GSS: variants seen among roughly 807,000 people sequenced by gnomAD.
The protein encoded by GSS is glutathione synthetase.
A neutral mutation model predicts 60.4 loss-of-function variants in GSS; 34 were observed. The ratio of observed to expected loss-of-function variants is 0.56; its 90% confidence interval spans 0.43 to 0.75. The LOEUF (loss-of-function observed/expected upper bound fraction) is 0.75, where lower values mean the gene tolerates loss of function less well. Among genes scored for constraint, GSS ranks in the 30% least tolerant of loss-of-function variants. The pLI, the probability that GSS is intolerant of heterozygous loss-of-function variation, is 0.00. For missense variants in GSS, 499 were observed against 595.1 expected, an observed-to-expected ratio of 0.84 and a Z score of 1.68; for synonymous variants, 224 against 239.0, an observed-to-expected ratio of 0.94 and a Z score of 0.58.
chr20:34,937,754 G>A (rs925001655), intron 6 of GSS, among the ~76,000 whole-genome samples: 5 of 152,176 alleles, frequency 3.3e-5, no homozygotes, highest in Non-Finnish European at 7.3e-5. Context: ...CTGTTTGGCT[G>A]CCAGCTAACA....
rs1479465819 is a variant in GSS at position 34,941,704 on chromosome 20, C to T, written c.608+9G>A. 2.0e-6 allele frequency: 3 copies of T among 1,469,106 alleles called. No individual in the cohort carries two copies. The highest frequency in any genetic ancestry group is 1.7e-5 in the Admixed American group (1 of 59,824). 91.0% of individuals were successfully genotyped at this position (1,469,106 alleles called of 1,614,324 possible). On this transcript the variant is annotated intron_variant, in intron 6 of 12. Coordinates refer to ENST00000651619, the MANE Select transcript of GSS (RefSeq NM_000178.4). ...GCAGGATCCTCCTGCTACCTTTTCA[C>T]ACCCTTACTTGGGTGAGCCGTAGAG...
rs568798499 is a variant in GSS at position 34,941,227 on chromosome 20, C to G, written c.608+486G>C. The stretch of plus-strand genomic sequence containing the variant: ...AAAATTAGCCAGGTGTGGCAGCATG[C>G]GCCTGAAATCCCAGCTACTCAGGAG... On this transcript the variant is annotated intron_variant, in intron 6 of 12. Transcript: ENST00000651619. Among the ~76,000 whole-genome samples, 45 of 152,102 alleles carry G rather than the reference C, an allele frequency of 3.0e-4. 3 individuals carry two copies. In the South Asian group the frequency reaches 7.7e-3, roughly 26 times the overall value.
At chr20:34,933,002 C>T (rs2081414304) in intron 9 of GSS, among the ~76,000 whole-genome samples, 3 of 152,122 alleles carry the variant, frequency 2.0e-5, no homozygotes, top group African/African-American at 7.2e-5. Context: ...CACGCCACCA[C>T]ACCCAGCTAA....
rs2081381329 is a variant in GSS, at chr20:34,929,456, G to T, written c.1246C>A (p.Pro416Thr). 6.2e-7 allele frequency: 1 copy of T among 1,614,014 alleles called. No individual in the cohort carries two copies. The highest frequency in any genetic ancestry group is 1.3e-5 in the African/African-American group (1 of 74,910). ...FENCLLRPGS[P>T]ARVVQCISEL... The stretch of plus-strand genomic sequence containing the variant: ...GAAATGCACTGGACCACTCGGGCAG[G>T]GCTGCCAGGCCGTAGCAGGCAATTC... Residue 416 changes from proline (P) to threonine (T), a missense_variant, in exon 12 of 13, where the codon CCT becomes ACT. Transcript: ENST00000651619.
At chr20:34,929,278 T>C (rs371015799) in intron 12 of GSS, 123 bp downstream of exon 12, 15 of 882,144 alleles carry the variant, frequency 1.7e-5, no homozygotes, top group African/African-American at 1.5e-4. Context: ...AAGCTAGTGA[T>C]TGGCAGAGCT....
Position 34,942,532 on chromosome 20 carries a change from A to G in GSS, c.447T>C (p.Ser149=). Residue 149 remains serine, a synonymous_variant, in exon 5 of 13, where the codon TCT becomes TCC. Coordinates refer to ENST00000651619, the MANE Select transcript of GSS (RefSeq NM_000178.4). The stretch of plus-strand genomic sequence containing the variant: ...GGGAGGCCAGGCCCCCAAAGCTGGC[A>G]GAGATGGTGTTGATTTCGATCTGTT... ...ALKQIEINTI[S]ASFGGLASRT... 1 of 1,613,828 alleles carries G rather than the reference A, an allele frequency of 6.2e-7. No homozygotes were observed. The highest frequency in any genetic ancestry group is 2.2e-5 in the East Asian group (1 of 44,868).
In GSS at chr20:34,928,962, G is replaced by A. The variant is rs763981800; in HGVS notation, c.1302-11C>T. ...AGTGTCTTTTCCTGCCTATAGAAAT[G>A]GAGGCAGGGGACACACATCACCTGG... On this transcript the variant is annotated splice_polypyrimidine_tract_variant and intron_variant, in intron 12 of 12. Transcript: ENST00000651619. The A allele has an allele frequency of 4.3e-6, 7 of 1,612,608 alleles. No homozygotes were observed. The South Asian group carries it at 4.4e-5, about 10-fold the overall frequency.
intron 3 of GSS, among the ~76,000 whole-genome samples, chr20:34,944,729 C>T (rs1415069327): frequency 2.0e-5 from 3 of 152,152 alleles, no homozygotes; most frequent in Non-Finnish European, 4.4e-5. Flanking sequence ...ACACCTTATA[C>T]TCATAGCCTG....
rs745719699 is a variant in GSS at position 34,942,992 on chromosome 20, T to C, written c.290A>G (p.Asp97Gly). ...GTCAAAGAGACGAGCGGTAAAGTCA[T>C]CCTGTTTGATGGTGCTGGAGGAAGA... ...EQTLSSTIKQ[D>G]DFTARLFDIH... The change falls in exon 4 of 13, where the codon GAT (aspartate) becomes GGT (glycine). Residue 97 changes from aspartate (D) to glycine (G), a missense_variant. By Grantham distance (94) the Asp-to-Gly change is moderately conservative. Transcript: ENST00000651619. 1 of 1,611,228 alleles carries C rather than the reference T, an allele frequency of 6.2e-7. No homozygotes were observed. Among genetic ancestry groups the C allele is most frequent in the South Asian group, 1.1e-5 (1 of 90,574 alleles).
At chr20:34,930,968 T>C (rs986786147) in intron 11 of GSS, among the ~76,000 whole-genome samples, 1 of 151,910 alleles carries the variant, frequency 6.6e-6, no homozygotes, top group South Asian at 2.1e-4. Flanking sequence ...AAGACAAAGA[T>C]TAAAAAAATC....
chr20:34,935,569 T>C lies in GSS; in HGVS notation c.834+7A>G. ...AGGCAAAGAATGGTCTCACAGAAAA[T>C]ACCAACCTGTAGACTGTACTGACGA... is the stretch of plus-strand genomic sequence containing the variant. On this transcript the variant is annotated splice_region_variant and intron_variant, in intron 9 of 12. Coordinates refer to ENST00000651619, the MANE Select transcript of GSS (RefSeq NM_000178.4). The C allele has an allele frequency of 1.2e-6, 2 of 1,603,308 alleles. No homozygotes were observed. Among genetic ancestry groups the C allele is most frequent in the Non-Finnish European group, 1.7e-6 (2 of 1,170,372 alleles).
At chr20:34,932,787 C>T (rs993917261) in intron 9 of GSS, among the ~76,000 whole-genome samples, 1 of 152,142 alleles carries the variant, frequency 6.6e-6, no homozygotes, top group Non-Finnish European at 1.5e-5. Flanking sequence ...TGCACACATA[C>T]ACGCACACGC....
rs2081375033 is a variant in GSS at position 34,928,942 on chromosome 20, CTT to C, written c.1309_1310del (p.Lys437AspfsTer57). On this transcript the variant is annotated frameshift_variant, in exon 13 of 13. Coordinates refer to ENST00000651619, the MANE Select transcript of GSS (RefSeq NM_000178.4). LOFTEE classifies it high-confidence loss of function. ...GIFGVYVRQE[K>X]TLVMNKHVGH... ...CCACGTGCTTGTTCATCACGAGTGT[CTT>C]TTCCTGCCTATAGAAATGGAGGCAG... is the stretch of plus-strand genomic sequence containing the variant. 6.2e-7 allele frequency: 1 copy of C among 1,613,272 alleles called. No homozygotes were observed. The highest frequency in any genetic ancestry group is 8.5e-7 in the Non-Finnish European group (1 of 1,180,036).
intron 1 of GSS, chr20:34,954,252 G>GAC (rs1315570162): frequency 1.3e-5 from 2 of 152,200 alleles, no homozygotes; most frequent in African/African-American, 4.8e-5. Context: ...AGGAGGATAA[G>GAC]ACATAAAGAT....
At chr20:34,951,577 A>T in intron 2 of GSS, 147 bp downstream of exon 2, 1 of 897,176 alleles carries the variant, frequency 1.1e-6, no homozygotes, top group Non-Finnish European at 1.7e-6. Context: ...CTGCCTTTTT[A>T]TTTTCTACTT....
intron 2 of GSS, chr20:34,950,013 T>TCTCTCTCTCACACACACACACACACA (rs144768623): frequency 8.0e-6 from 1 of 124,886 alleles, no homozygotes; most frequent in African/African-American, 3.1e-5. Context: ...TCTCTCTCTC[T>TCTCTCTCTCACACACACACACACACA]CACACACACA....
intron 2 of GSS, chr20:34,949,546 C>G (rs886935193): frequency 2.6e-5 from 4 of 151,644 alleles, no homozygotes; most frequent in Non-Finnish European, 5.9e-5. Context: ...TCATAATGAA[C>G]TACTCTTTCT....
intron 2 of GSS, among the ~76,000 whole-genome samples, chr20:34,947,465 G>C (rs763099556): frequency 2.0e-5 from 3 of 152,146 alleles, no homozygotes; most frequent in Non-Finnish European, 4.4e-5. Flanking sequence ...TATATAGTGA[G>C]AAGTATGTCT....
chr20:34,953,708 T>C (rs1201548502), intron 1 of GSS, among the ~76,000 whole-genome samples: 1 of 151,320 alleles, frequency 6.6e-6, no homozygotes, highest in Non-Finnish European at 1.5e-5. Flanking sequence ...CTCCGCCTCC[T>C]GGGTTCATGC....
Sources: allele counts gnomAD v4.1 joint callset (sites outside exome capture counted in the v4.1 genomes callset), GRCh38; gene constraint gnomAD v4.1.1; transcripts MANE v1.5; gene names NCBI Gene and HGNC (gene_info 2026-07-23, HGNC 2026-07-21).